SHANK2: variants seen among roughly 807,000 people sequenced by gnomAD.
SHANK2 encodes the protein SH3 and multiple ankyrin repeat domains protein 2.
Under a neutral mutation model 133.7 loss-of-function variants are expected in SHANK2, and 43 were observed. That is an observed-to-expected ratio of 0.32 (90% CI 0.25 to 0.41). SHANK2 has a LOEUF of 0.41. Among genes scored for constraint, SHANK2 ranks in the 10% least tolerant of loss-of-function variants. The probability of loss-of-function intolerance (pLI) is 1.00; values close to 1 mark genes in which losing one functional copy is unlikely to be tolerated. For synonymous variants in SHANK2, 1,017 were observed against 952.8 expected, an observed-to-expected ratio of 1.07 and a Z score of -1.24; for missense variants, 1,994 against 2,235.8, an observed-to-expected ratio of 0.89 and a Z score of 2.18.
chr11:70,779,190 G>A (rs11825237), intron 14 of SHANK2, among the ~76,000 whole-genome samples: 5,130 of 151,688 alleles, frequency 0.034, 300 homozygotes, highest in African/African-American at 0.12. Flanking sequence ...AACACAGAGC[G>A]GCTGCTACGA....
At chr11:70,670,649 C>T (rs1252208599) in intron 15 of SHANK2, among the ~76,000 whole-genome samples, 6 of 152,362 alleles carry the variant, frequency 3.9e-5, no homozygotes, top group South Asian at 4.1e-4. Flanking sequence ...GCTTCCTGGT[C>T]GGAGAGTTAC....
chr11:70,496,640 AG>A (rs1188178621), intron 21 of SHANK2, among the ~76,000 whole-genome samples: 2 of 152,220 alleles, frequency 1.3e-5, no homozygotes, highest in Non-Finnish European at 2.9e-5. Flanking sequence ...CCCATGTCGA[AG>A]GGAAAACATT....
At chr11:70,944,325 A>AGGCCC (rs1438935456) in intron 10 of SHANK2, among the ~76,000 whole-genome samples, 3 of 152,110 alleles carry the variant, frequency 2.0e-5, no homozygotes, top group South Asian at 2.1e-4. Context: ...CACTCATCCC[A>AGGCCC]GGCCCGGCCC....
intron 10 of SHANK2, among the ~76,000 whole-genome samples, chr11:70,910,608 G>T (rs1555078780): frequency 6.6e-6 from 1 of 152,124 alleles, no homozygotes; most frequent in East Asian, 1.9e-4. Context: ...AGGAGTTCGA[G>T]ACCAGCCTGG....
intron 2 of SHANK2, among the ~76,000 whole-genome samples, chr11:71,168,339 G>A (rs1953229081): frequency 7.0e-6 from 1 of 142,624 alleles, no homozygotes; most frequent in East Asian, 2.0e-4. Context: ...TCACTTTCCA[G>A]ACTGGGCAGC....
intron 3 of SHANK2, among the ~76,000 whole-genome samples, chr11:71,142,245 A>G (rs1444461193): frequency 6.6e-6 from 1 of 152,214 alleles, no homozygotes; most frequent in African/African-American, 2.4e-5. Context: ...ACGCCTATGT[A>G]ATCCCAGCAC....
At chr11:70,897,110 G>T (rs1025227321) in intron 10 of SHANK2, among the ~76,000 whole-genome samples, 1 of 152,162 alleles carries the variant, frequency 6.6e-6, no homozygotes. Context: ...TCACCTACAG[G>T]AAATTGTTCC....
intron 2 of SHANK2, among the ~76,000 whole-genome samples, chr11:71,200,099 C>A (rs868996424): frequency 5.3e-5 from 8 of 152,188 alleles, no homozygotes; most frequent in African/African-American, 1.9e-4. Context: ...CTCAGCACCC[C>A]ACATGGAAAC....
intron 6 of SHANK2, among the ~76,000 whole-genome samples, chr11:71,105,947 G>A (rs1327767083): frequency 3.3e-5 from 5 of 152,182 alleles, no homozygotes; most frequent in Admixed American, 1.3e-4. Flanking sequence ...CTCTGTACTT[G>A]AGGATCACTA....
chr11:71,173,381 G>T (rs781810015), intron 2 of SHANK2, among the ~76,000 whole-genome samples: 2 of 152,192 alleles, frequency 1.3e-5, no homozygotes, highest in African/African-American at 2.4e-5. Flanking sequence ...CTCCAGGCAG[G>T]GTGGCTGCTG....
intron 1 of SHANK2, among the ~76,000 whole-genome samples, chr11:71,226,926 T>C (rs1055096397): frequency 5.2e-4 from 79 of 152,276 alleles, no homozygotes; most frequent in African/African-American, 1.8e-3. Flanking sequence ...CAACATAATC[T>C]ATGTGGTTCT....
chr11:71,146,706 G>A (rs1308708176), intron 3 of SHANK2, among the ~76,000 whole-genome samples: 1 of 152,146 alleles, frequency 6.6e-6, no homozygotes, highest in African/African-American at 2.4e-5. Flanking sequence ...GCAGAGTCCG[G>A]CACCAGGAAG....
chr11:71,210,536 C>T (rs1222954493), intron 2 of SHANK2, among the ~76,000 whole-genome samples: 1 of 151,922 alleles, frequency 6.6e-6, no homozygotes, highest in Non-Finnish European at 1.5e-5. Context: ...AGGTGTGAGC[C>T]ACCATGCCCA....
intron 3 of SHANK2, among the ~76,000 whole-genome samples, chr11:71,129,693 C>T (rs1555103368): frequency 2.0e-5 from 3 of 152,148 alleles, no homozygotes; most frequent in African/African-American, 4.8e-5. Flanking sequence ...GTCACTCACA[C>T]TTGGTTCACA....
chr11:71,161,963 C>A (rs1164078406), intron 2 of SHANK2, among the ~76,000 whole-genome samples: 3 of 152,198 alleles, frequency 2.0e-5, no homozygotes, highest in African/African-American at 7.2e-5. Flanking sequence ...GCAGCATCCT[C>A]AAATCTGGTA....
chr11:71,210,233 TATATATATATATATATA>T (rs1565516678), intron 2 of SHANK2, among the ~76,000 whole-genome samples: 14 of 72,174 alleles, frequency 1.9e-4, no homozygotes, highest in African/African-American at 3.4e-4. Context: ...TATATATATA[TATATATATATATATATA>T]TATTTATTTA....
chr11:70,932,430 C>T (rs1265313234), intron 10 of SHANK2, among the ~76,000 whole-genome samples: 4 of 152,368 alleles, frequency 2.6e-5, no homozygotes, highest in Non-Finnish European at 5.9e-5. Flanking sequence ...GCACGTGCGG[C>T]CCCGCTAAGG....
At chr11:71,098,738 C>T (rs541342930) in intron 6 of SHANK2, among the ~76,000 whole-genome samples, 2 of 152,226 alleles carry the variant, frequency 1.3e-5, no homozygotes, top group African/African-American at 2.4e-5. Context: ...CACAAGTGAA[C>T]GGGAGGAAGG....
At chr11:70,616,827 C>G (rs1312307392) in intron 17 of SHANK2, among the ~76,000 whole-genome samples, 1 of 152,132 alleles carries the variant, frequency 6.6e-6, no homozygotes, top group East Asian at 1.9e-4. Flanking sequence ...CGAGGGGAGC[C>G]TGCGGGGCGT....
Sources: allele counts gnomAD v4.1 joint callset (sites outside exome capture counted in the v4.1 genomes callset), GRCh38; gene constraint gnomAD v4.1.1; transcripts MANE v1.5; gene names NCBI Gene and HGNC (gene_info 2026-07-23, HGNC 2026-07-21).